The following TMEM218 variants were observed in gnomAD, a reference collection of about 807,000 sequenced individuals.
TMEM218 encodes the protein transmembrane protein 218.
Under a neutral mutation model 10.0 loss-of-function variants are expected in TMEM218, and 8 were observed. The ratio of observed to expected loss-of-function variants is 0.80; its 90% confidence interval spans 0.47 to 1.44. The LOEUF (loss-of-function observed/expected upper bound fraction) is 1.44. Among genes scored for constraint, TMEM218 ranks in the 40% most tolerant of loss-of-function variants. The pLI is 0.00. For missense variants in TMEM218, 110 were observed against 140.1 expected (o/e 0.79, Z 1.08); for synonymous variants, 66 against 63.5 (o/e 1.04, Z -0.18).
chr11:125,102,558 T>C (rs985057240), intron 2 of TMEM218, 176 bp downstream of exon 2: 152 of 1,370,246 alleles, frequency 1.1e-4, no homozygotes, highest in Non-Finnish European at 2.4e-5. Context: ...CCTTTCAAAT[T>C]TGGTACCTGA....
At chr11:125,098,138 T>C (rs1949968946) in intron 4 of TMEM218, among the ~76,000 whole-genome samples, 1 of 152,200 alleles carries the variant, frequency 6.6e-6, no homozygotes, top group African/African-American at 2.4e-5. Context: ...AAAAATGCAA[T>C]AGTATAATAA....
intron 4 of TMEM218, 22 bp from the exon 5 acceptor site, chr11:125,097,762 A>C (rs1210118211): frequency 6.2e-7 from 1 of 1,610,836 alleles, no homozygotes. Context: ...AAACATCAAA[A>C]TGAAATTACT....
At chr11:125,103,965 A>C (rs1951502901) in intron 1 of TMEM218, 1 of 152,242 alleles carries the variant, frequency 6.6e-6, no homozygotes, top group African/African-American at 2.4e-5. Flanking sequence ...CCACCATGTA[A>C]AGCACTGCGC....
At chr11:125,100,831 T>C (rs1382583298) in intron 4 of TMEM218, among the ~76,000 whole-genome samples, 1 of 152,154 alleles carries the variant, frequency 6.6e-6, no homozygotes, top group Non-Finnish European at 1.5e-5. Flanking sequence ...CTGCCAGGAA[T>C]GGGAACACTT....
chr11:125,106,480 G>A (rs1952187636), intron 1 of TMEM218, among the ~76,000 whole-genome samples: 1 of 152,036 alleles, frequency 6.6e-6, no homozygotes, highest in Non-Finnish European at 1.5e-5. Context: ...TAATTTAGCA[G>A]GAGATTTTAA....
intron 1 of TMEM218, chr11:125,104,584 T>C (rs1213226801): frequency 6.6e-6 from 1 of 152,272 alleles, no homozygotes; most frequent in Non-Finnish European, 1.5e-5. Flanking sequence ...CCAACTAGAA[T>C]AGTAAACTCC....
intron 1 of TMEM218, among the ~76,000 whole-genome samples, chr11:125,109,915 T>G (rs1000743194): frequency 1.3e-5 from 2 of 152,276 alleles, no homozygotes; most frequent in African/African-American, 4.8e-5. Flanking sequence ...TCAATCCCCC[T>G]TAGTAGCTTA....
intron 1 of TMEM218, chr11:125,104,553 A>T (rs1951679783): frequency 6.6e-6 from 1 of 152,252 alleles, no homozygotes; most frequent in African/African-American, 2.4e-5. Context: ...TTATTTGTTT[A>T]CAAGTTTATT....
intron 1 of TMEM218, chr11:125,103,556 CTCTTA>C (rs1287750552): frequency 6.6e-6 from 1 of 152,252 alleles, no homozygotes; most frequent in African/African-American, 2.4e-5. Context: ...CATTTTCTGT[CTCTTA>C]TAACGGTACT....
Position 125,095,301 on chromosome 11 carries a change from C to T in TMEM218, c.*2305G>A, listed in dbSNP as rs185728820. 6.6e-6 allele frequency among the ~76,000 whole-genome samples: 1 copy of T among 152,280 alleles called. No individual in the cohort carries two copies. Among genetic ancestry groups the T allele is most frequent in the East Asian group, 1.9e-4 (1 of 5,190 alleles). ...GGGAACATGTTCTAAGGCCACTGAT[C>T]ACAGAATGGTTCTGAACACTAAGAT... On this transcript the variant is annotated 3_prime_UTR_variant, in exon 5 of 5. Transcript: ENST00000682305.
rs1950953066 is a variant in TMEM218, at chr11:125,102,164, A to T, written c.78T>A (p.Cys26Ter). ...ALLWVAVLLL[C>*]VLLSRASGAA... ...CCCCGGAGGCTCTGGACAGCAGCACACACAGCAGCAGCACTGCCACCCAGA... is the reference window on the plus strand; with the variant it reads ...CCCCGGAGGCTCTGGACAGCAGCACTCACAGCAGCAGCACTGCCACCCAGA... Residue 26 changes from cysteine to a stop codon, truncating the protein, a stop_gained, in exon 3 of 5, where the codon TGT becomes TGA. Coordinates refer to ENST00000682305, the MANE Select transcript of TMEM218 (RefSeq NM_001258244.2). LOFTEE classifies it high-confidence loss of function. 2 of 1,606,496 alleles carry T rather than the reference A, an allele frequency of 1.2e-6. No homozygotes were observed. Among genetic ancestry groups the T allele is most frequent in the Admixed American group, 3.4e-5 (2 of 58,340 alleles).
intron 4 of TMEM218, among the ~76,000 whole-genome samples, chr11:125,098,511 C>T (rs1047727736): frequency 6.6e-6 from 1 of 152,164 alleles, no homozygotes; most frequent in Admixed American, 6.5e-5. Flanking sequence ...GCAATTTAAT[C>T]TATAGACCTA....
In TMEM218 at chr11:125,102,748, C is replaced by T. The variant is rs1387719922; in HGVS notation, c.-91G>A. ...CTGTGACTCACCAGGCAATGGATCA[C>T]AAGACAGAAAGTTCCCACTCTGTTG... On this transcript the variant is annotated 5_prime_UTR_variant, in exon 2 of 5. In the 5' UTR this introduces an upstream ATG that the reference lacks. Transcript: ENST00000682305. 1 of 1,278,704 alleles carries T rather than the reference C, an allele frequency of 7.8e-7. No homozygotes were observed. Among genetic ancestry groups the T allele is most frequent in the East Asian group, 5.6e-5 (1 of 17,960 alleles). The allele number at this position is 1,278,704 out of a possible 1,614,324, so 79.2% of individuals were successfully genotyped here.
At position 125,097,472 on chromosome 11, in the gene TMEM218, C is replaced by T. The variant is rs757274894; in HGVS notation, c.*134G>A. On this transcript the variant is annotated 3_prime_UTR_variant, in exon 5 of 5. Coordinates refer to ENST00000682305, the MANE Select transcript of TMEM218 (RefSeq NM_001258244.2). ...GGAAGCCAGGACTCCAGAGATTTGTCTTAGTGATGGACAGATACTCCTCTA... is the reference window on the plus strand; with the variant it reads ...GGAAGCCAGGACTCCAGAGATTTGTTTTAGTGATGGACAGATACTCCTCTA... 18 of 976,876 alleles carry T rather than the reference C, an allele frequency of 1.8e-5. No individual in the cohort carries two copies. The highest frequency in any genetic ancestry group is 1.7e-5 in the African/African-American group (1 of 59,610). The allele number at this position is 976,876 out of a possible 1,614,324, so 60.5% of individuals were successfully genotyped here.
At chr11:125,098,072 G>T (rs1321802772) in intron 4 of TMEM218, among the ~76,000 whole-genome samples, 1 of 152,030 alleles carries the variant, frequency 6.6e-6, no homozygotes, top group Non-Finnish European at 1.5e-5. Context: ...TCCTAGAAAG[G>T]CTCATTTTTG....
At chr11:125,110,621 A>C (rs1416435068) in intron 1 of TMEM218, 1 of 152,210 alleles carries the variant, frequency 6.6e-6, no homozygotes, top group African/African-American at 2.4e-5. Context: ...TGCCATTATA[A>C]GATGACTTAT....
Position 125,110,979 on chromosome 11 carries a change from T to C in TMEM218, c.-153+560A>G, listed in dbSNP as rs371391670. Among the ~76,000 whole-genome samples the C allele has an allele frequency of 1.5e-4, 22 of 151,334 alleles. No homozygotes were observed. The East Asian group carries it at 1.8e-3, about 12-fold the overall frequency. On this transcript the variant is annotated intron_variant, in intron 1 of 4. Coordinates refer to ENST00000682305, the MANE Select transcript of TMEM218 (RefSeq NM_001258244.2). ...ATAAAATGCAAGCCTGGGGAAAAAA[T>C]CAGTTGCCAAGCTCCCAAAATGCCA...
intron 1 of TMEM218, chr11:125,104,612 A>G (rs886851581): frequency 6.6e-6 from 1 of 152,368 alleles, no homozygotes. Flanking sequence ...CAGAGACCTG[A>G]TATCTTTCTC....
At chr11:125,101,117 G>A in intron 4 of TMEM218, 84 bp downstream of exon 4, 1 of 1,103,080 alleles carries the variant, frequency 9.1e-7, no homozygotes, top group South Asian at 1.5e-5. Context: ...CCGATGTCAG[G>A]GAACATCAAG....
Sources: gnomAD v4.1 joint callset for allele counts (sites outside exome capture counted in the v4.1 genomes callset) on GRCh38, gnomAD v4.1.1 for gene constraint, MANE v1.5 for transcripts, NCBI Gene and HGNC (gene_info 2026-07-23, HGNC 2026-07-21) for gene names.